The following MTUS1 variants were observed in gnomAD, a reference collection of about 807,000 sequenced individuals.
MTUS1 encodes the protein microtubule-associated tumor suppressor 1.
A neutral mutation model predicts 120.8 loss-of-function variants in MTUS1; 109 were observed. That is an observed-to-expected ratio of 0.90 (90% CI 0.77 to 1.06). MTUS1 has a LOEUF of 1.06. MTUS1 is among the 50% of genes least tolerant of loss of function. The pLI is 0.00. For synonymous variants in MTUS1, 737 were observed against 550.5 expected (o/e 1.34, Z -4.74); for missense variants, 2,210 against 1,486.3 (o/e 1.49, Z -8.01).
chr8:17,699,440 C>T (rs1209385783), intron 6 of MTUS1, among the ~76,000 whole-genome samples: 1 of 152,180 alleles, frequency 6.6e-6, no homozygotes, highest in Non-Finnish European at 1.5e-5. Context: ...GTCTCGAACT[C>T]CTGACCTCAG....
chr8:17,690,535 A>G (rs2130823609), intron 6 of MTUS1, among the ~76,000 whole-genome samples: 1 of 152,348 alleles, frequency 6.6e-6, no homozygotes, highest in South Asian at 2.1e-4. Context: ...ACTGCTGGGT[A>G]TCTTCCCAAA....
chr8:17,791,342 C>T (rs1413089832), intron 1 of MTUS1, among the ~76,000 whole-genome samples: 1 of 152,080 alleles, frequency 6.6e-6, no homozygotes, highest in Non-Finnish European at 1.5e-5. Flanking sequence ...TACAAAATTG[C>T]TTTTATATTT....
At chr8:17,743,132 TA>T (rs1473400665) in intron 3 of MTUS1, among the ~76,000 whole-genome samples, 3 of 152,112 alleles carry the variant, frequency 2.0e-5, no homozygotes, top group Non-Finnish European at 4.4e-5. Context: ...CCAACATAAA[TA>T]AAAGTTCACA....
Position 17,764,770 on chromosome 8 carries a change from T to G in MTUS1, c.-154-8809A>C, listed in dbSNP as rs538941730. Among the ~76,000 whole-genome samples the G allele has an allele frequency of 2.6e-5, 4 of 152,320 alleles. No individual in the cohort carries two copies. The South Asian group carries it at 8.3e-4, about 32-fold the overall frequency. ...CAAAAAAGAGGCAGTGGGCCAGACT[T>G]GGCCGTGGACTGTAGCTTGCTGACC... is the stretch of plus-strand genomic sequence containing the variant. On this transcript the variant is annotated intron_variant, in intron 1 of 14. Transcript: ENST00000693296.
intron 4 of MTUS1, chr8:17,722,014 A>G (rs2045884411): frequency 7.1e-7 from 1 of 1,417,768 alleles, no homozygotes; most frequent in South Asian, 1.7e-5. Context: ...AAAAATGCGT[A>G]AGCTCCAAGG....
At chr8:17,699,420 G>T (rs1462149487) in intron 6 of MTUS1, among the ~76,000 whole-genome samples, 2 of 152,016 alleles carry the variant, frequency 1.3e-5, no homozygotes, top group African/African-American at 4.8e-5. Flanking sequence ...TCACCATGTT[G>T]GCCAGGCTCG....
chr8:17,655,831 C>T (rs1808088417), intron 9 of MTUS1, 32 bp downstream of exon 9: 1 of 1,604,208 alleles, frequency 6.2e-7, no homozygotes, highest in Non-Finnish European at 8.5e-7. Flanking sequence ...CAGCAGAGGC[C>T]TCAGACAAGC....
intron 6 of MTUS1, among the ~76,000 whole-genome samples, chr8:17,685,046 G>A (rs1032316394): frequency 2.0e-5 from 3 of 152,114 alleles, no homozygotes; most frequent in African/African-American, 4.8e-5. Context: ...TACCGCAGAT[G>A]AGTCATTTCC....
chr8:17,771,051 G>A (rs1027883616), intron 1 of MTUS1, among the ~76,000 whole-genome samples: 14 of 152,192 alleles, frequency 9.2e-5, no homozygotes, highest in Non-Finnish European at 1.6e-4. Flanking sequence ...GAATTTAGAT[G>A]TAAGGAATAA....
At chr8:17,707,994 C>G (rs769260159) in intron 6 of MTUS1, among the ~76,000 whole-genome samples, 1 of 151,638 alleles carries the variant, frequency 6.6e-6, no homozygotes, top group African/African-American at 2.4e-5. Flanking sequence ...GCTAGAATAG[C>G]AAAAAAAACT....
At chr8:17,685,639 A>T (rs1815625524) in intron 6 of MTUS1, among the ~76,000 whole-genome samples, 1 of 152,200 alleles carries the variant, frequency 6.6e-6, no homozygotes, top group Non-Finnish European at 1.5e-5. Flanking sequence ...AAACATCAGT[A>T]CTCACTTTCT....
intron 2 of MTUS1, 113 bp downstream of exon 2, chr8:17,753,604 T>C (rs557217681): frequency 1.4e-6 from 1 of 698,334 alleles, no homozygotes; most frequent in East Asian, 2.8e-5. Flanking sequence ...TAAATGTAAA[T>C]CTGCCCACCT....
intron 7 of MTUS1, among the ~76,000 whole-genome samples, chr8:17,680,643 T>C (rs1424136767): frequency 1.3e-5 from 2 of 152,168 alleles, no homozygotes; most frequent in Non-Finnish European, 2.9e-5. Context: ...CATCTCTCTG[T>C]AGATCCAACC....
intron 2 of MTUS1, among the ~76,000 whole-genome samples, chr8:17,752,455 T>A (rs559275249): frequency 1.3e-5 from 2 of 152,210 alleles, no homozygotes; most frequent in Non-Finnish European, 2.9e-5. Context: ...TAAATCTGAG[T>A]TTTGAAACAA....
chr8:17,669,715 C>T (rs1002130847), intron 8 of MTUS1, among the ~76,000 whole-genome samples: 8 of 151,944 alleles, frequency 5.3e-5, no homozygotes, highest in Admixed American at 2.6e-4. Context: ...CGTGGTGGTG[C>T]GCACCTGTAT....
chr8:17,701,157 A>G (rs1025472134), intron 6 of MTUS1, among the ~76,000 whole-genome samples: 1 of 152,184 alleles, frequency 6.6e-6, no homozygotes, highest in Non-Finnish European at 1.5e-5. Context: ...AATCTTCCTT[A>G]GCCTAATATG....
chr8:17,648,154 A>G (rs1438471556), intron 13 of MTUS1, among the ~76,000 whole-genome samples: 1 of 152,228 alleles, frequency 6.6e-6, no homozygotes. Flanking sequence ...GATTATGGGC[A>G]GTGCCGGTTT....
chr8:17,785,198 GA>G (rs2051204602), intron 1 of MTUS1, among the ~76,000 whole-genome samples: 1 of 19,666 alleles, frequency 5.1e-5, no homozygotes, highest in Non-Finnish European at 3.7e-4. Flanking sequence ...AGCCTTCAAA[GA>G]GCCTCCAAAG....
Position 17,755,773 on chromosome 8 carries a change from T to G in MTUS1, c.35A>C (p.Asp12Ala). 3 of 1,613,706 alleles carry G rather than the reference T, an allele frequency of 1.9e-6. No individual in the cohort carries two copies. Among genetic ancestry groups the G allele is most frequent in the Non-Finnish European group, 1.7e-6 (2 of 1,179,840 alleles). Reference sequence around the variant, plus strand: ...ACTGGTAAAGAAGGTTTGCAATTCATCTTCTATTTTATCATCTGAATTATC... The same window carrying G: ...ACTGGTAAAGAAGGTTTGCAATTCAGCTTCTATTTTATCATCTGAATTATC... ...TDDNSDDKIE[D>A]ELQTFFTSDK... Residue 12 changes from aspartate to alanine, a missense_variant, in exon 2 of 15, where the codon GAT becomes GCT. Asp to Ala is a moderately radical substitution (Grantham distance 126, BLOSUM62 -2). Coordinates refer to ENST00000693296, the MANE Select transcript of MTUS1 (RefSeq NM_001363059.2).
Sources: allele counts gnomAD v4.1 joint callset (sites outside exome capture counted in the v4.1 genomes callset), GRCh38; gene constraint gnomAD v4.1.1; transcripts MANE v1.5; gene names NCBI Gene and HGNC (gene_info 2026-07-23, HGNC 2026-07-21).